Variants in NID1 observed in about 807,000 individuals in gnomAD.
NID1 encodes the protein nidogen-1.
NID1 carries 76 observed loss-of-function variants against 130.6 expected under a neutral mutation model. That is an observed-to-expected ratio of 0.58 (90% CI 0.48 to 0.70). The LOEUF (loss-of-function observed/expected upper bound fraction) is 0.70. NID1 is among the 30% of genes least tolerant of loss of function. The pLI is 0.00. For synonymous variants in NID1, 665 were observed against 675.1 expected (o/e 0.98, Z 0.23); for missense variants, 1,517 against 1,664.8 (o/e 0.91, Z 1.54).
chr1:236,024,282 A>G (rs779097232), intron 8 of NID1, 69 bp from the exon 9 acceptor site: 41 of 1,563,570 alleles, frequency 2.6e-5, no homozygotes, highest in Non-Finnish European at 2.8e-5. Context: ...CCTTCCACAG[A>G]AAGTCAACCA....
chr1:236,059,579 C>T (rs928170913), intron 1 of NID1, among the ~76,000 whole-genome samples: 2 of 152,176 alleles, frequency 1.3e-5, no homozygotes, highest in African/African-American at 4.8e-5. Flanking sequence ...CAGAACAGAA[C>T]TCCAAGTCCA....
At chr1:235,984,687 A>G (rs1403665784) in intron 15 of NID1, among the ~76,000 whole-genome samples, 2 of 152,210 alleles carry the variant, frequency 1.3e-5, no homozygotes, top group African/African-American at 4.8e-5. Context: ...AGCAACATGT[A>G]ATACTTGACC....
intron 7 of NID1, among the ~76,000 whole-genome samples, chr1:236,027,549 C>T (rs953278607): frequency 6.6e-6 from 1 of 152,202 alleles, no homozygotes; most frequent in African/African-American, 2.4e-5. Flanking sequence ...AAAAAGGTGG[C>T]CAGGCACGAT....
chr1:236,063,110 C>T (rs1331274072), intron 1 of NID1, among the ~76,000 whole-genome samples: 4 of 139,322 alleles, frequency 2.9e-5, no homozygotes, highest in East Asian at 4.3e-4. Context: ...GCCAAGATCT[C>T]GCCACTGCAC....
At chr1:235,983,680 C>T (rs1657499321) in intron 15 of NID1, among the ~76,000 whole-genome samples, 1 of 152,206 alleles carries the variant, frequency 6.6e-6, no homozygotes, top group Non-Finnish European at 1.5e-5. Flanking sequence ...GAGCAACCAA[C>T]CCCCTCTCCC....
At position 236,013,515 on chromosome 1, in the gene NID1, T is replaced by C. The variant is rs533869755; in HGVS notation, c.2300A>G (p.His767Arg). Residue 767 changes from histidine (H) to arginine (R), a missense_variant, in exon 11 of 20, where the codon CAT (histidine) becomes CGT (arginine). His to Arg is a conservative substitution (Grantham distance 29). This residue lies in a region of NID1 where 1,329 missense variants were observed against 1,429.2 expected (regional missense o/e 0.93). Transcript: ENST00000264187. ...RPINYCETGLHNCDIPQRAQC... is the reference protein window; with the variant it reads ...RPINYCETGLRNCDIPQRAQC... Reference sequence around the variant, plus strand: ...GGCCCGCTGGGGTATGTCGCAGTTATGAAGGCCAGTTTCACAGTAGTTGAT... The same window carrying C: ...GGCCCGCTGGGGTATGTCGCAGTTACGAAGGCCAGTTTCACAGTAGTTGAT... The C allele has an allele frequency of 1.1e-5, 18 of 1,614,158 alleles. No homozygotes were observed. The South Asian group carries it at 1.9e-4, about 17-fold the overall frequency.
chr1:236,065,014 C>T lies in NID1; in HGVS notation c.66G>A (p.Leu22=). The change falls in exon 1 of 20, where the codon CTG becomes CTA. Residue 22 remains leucine, a synonymous_variant. Coordinates refer to ENST00000264187, the MANE Select transcript of NID1 (RefSeq NM_002508.3). The surrounding 1 kb of genome is among the most constrained non-coding windows in gnomAD (Gnocchi z 4.1). ...WTRALLLPLL[L]AGPVGCLSRQ... ...GGCTCAGGCAGCCCACAGGCCCCGC[C>T]AGCAGCAGCGGCAGCAGCAGCGCCC... 3.8e-6 allele frequency: 6 copies of T among 1,563,744 alleles called. No homozygotes were observed. Among genetic ancestry groups the T allele is most frequent in the Non-Finnish European group, 5.2e-6 (6 of 1,154,506 alleles).
At chr1:236,010,932 T>C (rs1386651973) in intron 12 of NID1, among the ~76,000 whole-genome samples, 1 of 152,232 alleles carries the variant, frequency 6.6e-6, no homozygotes, top group Non-Finnish European at 1.5e-5. Flanking sequence ...CAAATGCTGT[T>C]GTAGGAATGG....
intron 9 of NID1, among the ~76,000 whole-genome samples, chr1:236,020,050 AAAAAAAAAC>A (rs1004368280): frequency 1.5e-5 from 2 of 136,840 alleles, no homozygotes; most frequent in African/African-American, 5.3e-5. Flanking sequence ...AAAAAAAAAA[AAAAAAAAAC>A]AAAAACAAAC....
chr1:236,010,619 G>T (rs1013113025), intron 12 of NID1, among the ~76,000 whole-genome samples: 2 of 152,198 alleles, frequency 1.3e-5, no homozygotes, highest in African/African-American at 4.8e-5. Context: ...TTTTTAGGCT[G>T]TGCAGAGCTT....
chr1:236,032,634 T>C lies in NID1; in HGVS notation c.1304A>G (p.Asn435Ser), dbSNP rs372771512. 66 of 1,613,998 alleles carry C rather than the reference T, an allele frequency of 4.1e-5. No individual in the cohort carries two copies. Among genetic ancestry groups the C allele is most frequent in the Non-Finnish European group, 5.4e-5 (64 of 1,180,036 alleles). The change falls in exon 6 of 20, where the codon AAT becomes AGT. Residue 435 changes from asparagine (N) to serine (S), a missense_variant. Transcript: ENST00000264187. ...AAAGATCCTTCCTTTCACCTTGCCATTGACTCGCTGGGGGGAACCTGAGCA... is the reference window on the plus strand; with the variant it reads ...AAAGATCCTTCCTTTCACCTTGCCACTGACTCGCTGGGGGGAACCTGAGCA... ...CVAEGSPQRV[N>S]GKVKGRIFVG...
chr1:236,054,672 C>G (rs887995142), intron 1 of NID1, among the ~76,000 whole-genome samples: 1 of 151,582 alleles, frequency 6.6e-6, no homozygotes, highest in Non-Finnish European at 1.5e-5. Flanking sequence ...GACAGAGTCT[C>G]GCTCTGTCAC....
chr1:236,040,204 A>T (rs1006270855), intron 4 of NID1, among the ~76,000 whole-genome samples: 1 of 152,136 alleles, frequency 6.6e-6, no homozygotes, highest in African/African-American at 2.4e-5. Flanking sequence ...CATCTGGGGG[A>T]GATGACTCCA....
rs1418661958 is a variant in NID1, at chr1:235,985,468, T to C, written c.2966A>G (p.Asp989Gly). ...GATGTCCGTCCAGTAAACCATCTTG[T>C]CCACGCAGTCAAAGGCCAGTCCAAT... is the stretch of plus-strand genomic sequence containing the variant. ...VIIGLAFDCV[D>G]KMVYWTDITE... The change falls in exon 15 of 20, where the codon GAC (aspartate) becomes GGC (glycine). Residue 989 changes from aspartate (D) to glycine (G), a missense_variant. This residue lies in a region of NID1 where 1,329 missense variants were observed against 1,429.2 expected (regional missense o/e 0.93). Coordinates refer to ENST00000264187, the MANE Select transcript of NID1 (RefSeq NM_002508.3). 1 of 1,614,166 alleles carries C rather than the reference T, an allele frequency of 6.2e-7. No individual in the cohort carries two copies. Among genetic ancestry groups the C allele is most frequent in the Admixed American group, 1.7e-5 (1 of 60,024 alleles).
Position 235,979,866 on chromosome 1 carries a change from A to G in NID1, c.3465T>C (p.Ala1155=). 6.2e-7 allele frequency: 1 copy of G among 1,614,166 alleles called. No homozygotes were observed. The highest frequency in any genetic ancestry group is 1.1e-5 in the South Asian group (1 of 91,084). The change falls in exon 18 of 20, where the codon GCT becomes GCC. Residue 1155 remains alanine, a synonymous_variant. Coordinates refer to ENST00000264187, the MANE Select transcript of NID1 (RefSeq NM_002508.3). The surrounding 1 kb of genome is among the most constrained non-coding windows in gnomAD (Gnocchi z 4.6). ...KALEGLQYPF[A]VTSYGKNLYF... ...ACAGATTCTTCCCGTAGCTCGTCAC[A>G]GCAAAAGGATACTGGAGCCCTTCGA...
At chr1:235,989,084 T>C (rs1657652350) in intron 14 of NID1, among the ~76,000 whole-genome samples, 1 of 149,856 alleles carries the variant, frequency 6.7e-6, no homozygotes, top group African/African-American at 2.5e-5. Flanking sequence ...TTTTTTTTTT[T>C]TTTTTTTGAG....
intron 2 of NID1, among the ~76,000 whole-genome samples, chr1:236,048,312 G>A (rs1163233428): frequency 6.6e-6 from 1 of 151,826 alleles, no homozygotes; most frequent in Non-Finnish European, 1.5e-5. Context: ...TCCAGCCTGG[G>A]CGACAGAGCG....
chr1:236,043,436 GA>G (rs372320452), intron 3 of NID1, among the ~76,000 whole-genome samples: 2,817 of 151,900 alleles, frequency 0.019, 67 homozygotes, highest in African/African-American at 0.062. Flanking sequence ...GTTGGTGTGG[GA>G]AAAAAAACCC....
intron 12 of NID1, among the ~76,000 whole-genome samples, chr1:236,002,451 C>A (rs543523309): frequency 6.6e-6 from 1 of 152,008 alleles, no homozygotes; most frequent in Non-Finnish European, 1.5e-5. Flanking sequence ...TGCAGTGAGC[C>A]GAGATGGCAC....
Sources: allele counts gnomAD v4.1 joint callset (sites outside exome capture counted in the v4.1 genomes callset), GRCh38; gene constraint gnomAD v4.1.1; regional missense constraint gnomAD v4.1.1; non-coding constraint Gnocchi (gnomAD v3.1); transcripts MANE v1.5; gene names NCBI Gene and HGNC (gene_info 2026-07-23, HGNC 2026-07-21).